Variants in KIRREL3 observed in about 807,000 individuals in gnomAD.
KIRREL3 encodes the protein kin of IRRE-like protein 3.
KIRREL3 carries 36 observed loss-of-function variants against 89.7 expected under a neutral mutation model. The ratio of observed to expected loss-of-function variants is 0.40; its 90% CI spans 0.31 to 0.53. KIRREL3 has a LOEUF of 0.53. Ranked by LOEUF, KIRREL3 falls within the 20% of genes least tolerant of loss-of-function variation. The pLI, the probability that KIRREL3 is intolerant of heterozygous loss-of-function variation, is 0.49. For synonymous variants in KIRREL3, 445 were observed against 441.4 expected, an observed-to-expected ratio of 1.01 and a Z score of -0.10; for missense variants, 864 against 1,056.6, an observed-to-expected ratio of 0.82 and a Z score of 2.53.
rs183074725 is a variant in KIRREL3, at chr11:126,430,237, G to A, written c.1697-949C>T. Among the ~76,000 whole-genome samples, 4 of 152,204 alleles carry A rather than the reference G, an allele frequency of 2.6e-5. No homozygotes were observed. Among genetic ancestry groups the A allele is most frequent in the Admixed American group, 2.6e-4 (4 of 15,288 alleles). Reference sequence around the variant, plus strand: ...AGGAAGGCGGACCACTTGAGGCCAGGAGTTCGAGACCAGCCTGGGCAACAT... The same window carrying A: ...AGGAAGGCGGACCACTTGAGGCCAGAAGTTCGAGACCAGCCTGGGCAACAT... On this transcript the variant is annotated intron_variant, in intron 14 of 16. Transcript: ENST00000525144. This position sits in a 1 kb window ranked among gnomAD's most constrained non-coding sequence, Gnocchi z 6.6.
rs376620776 is a variant in KIRREL3 at position 126,902,066 on chromosome 11, C to T, written c.55+98389G>A. Among the ~76,000 whole-genome samples, 31 of 152,304 alleles carry T rather than the reference C, an allele frequency of 2.0e-4. 2 individuals carry two copies. The South Asian group carries it at 5.8e-3, about 28-fold the overall frequency. ...CTAGGTGTTAGTTGGATTCTGCACT[C>T]GGATTCTGCAAAGACTATCCTGGCT... On this transcript the variant is annotated intron_variant, in intron 1 of 16. Transcript: ENST00000525144.
upstream of KIRREL3, chr11:127,002,878 CA>C (rs1290443159): frequency 2.6e-5 from 4 of 152,152 alleles, no homozygotes; most frequent in Non-Finnish European, 4.4e-5. Context: ...AATAATCAGG[CA>C]CACGTACAGG....
chr11:126,450,402 A>T (rs559553732), intron 7 of KIRREL3, among the ~76,000 whole-genome samples: 46 of 110,306 alleles, frequency 4.2e-4, no homozygotes, highest in Non-Finnish European at 5.9e-4. Flanking sequence ...GGTATGTGTG[A>T]GTGTGTGCAT....
chr11:126,775,044 C>CCAACAACCAGT, intron 1 of KIRREL3, among the ~76,000 whole-genome samples: 1 of 152,146 alleles, frequency 6.6e-6, no homozygotes, highest in Non-Finnish European at 1.5e-5. Flanking sequence ...TAATATGCAA[C>CCAACAACCAGT]TGGTAACCAG....
At chr11:126,945,649 C>T (rs74704139) in intron 1 of KIRREL3, among the ~76,000 whole-genome samples, 3,227 of 152,250 alleles carry the variant, frequency 0.021, 53 homozygotes, top group Non-Finnish European at 0.031. Flanking sequence ...GACAGATGTT[C>T]CCTCCTCCTT....
Position 126,571,024 on chromosome 11 carries a change from A to G in KIRREL3, c.56-8112T>C, listed in dbSNP as rs1259258584. On this transcript the variant is annotated intron_variant, in intron 1 of 16. Coordinates refer to ENST00000525144, the MANE Select transcript of KIRREL3 (RefSeq NM_032531.4). This position sits in a 1 kb window ranked among gnomAD's most constrained non-coding sequence, Gnocchi z 7.7. The stretch of plus-strand genomic sequence containing the variant: ...GAGAGATTGACACTTTAGAGGAGTG[A>G]GGAGTTTGTCCTGAGTCCCACAGCT... 6.6e-6 allele frequency among the ~76,000 whole-genome samples: 1 copy of G among 152,164 alleles called. No homozygotes were observed. The highest frequency in any genetic ancestry group is 1.5e-5 in the Non-Finnish European group (1 of 68,028).
Position 126,769,869 on chromosome 11 carries a change from A to G in KIRREL3, c.56-206957T>C, listed in dbSNP as rs903819046. ...AATCTCTCTGAGTCTTGATTTCCTC[A>G]TTTATAAGATAAAGGTAATAACACA... On this transcript the variant is annotated intron_variant, in intron 1 of 16. Coordinates refer to ENST00000525144, the MANE Select transcript of KIRREL3 (RefSeq NM_032531.4). This position sits in a 1 kb window ranked among gnomAD's most constrained non-coding sequence, Gnocchi z 4.3. Among the ~76,000 whole-genome samples the G allele has an allele frequency of 1.3e-5, 2 of 152,174 alleles. No homozygotes were observed. Among genetic ancestry groups the G allele is most frequent in the Admixed American group, 6.5e-5 (1 of 15,274 alleles).
At chr11:126,899,632 T>G (rs180848487) in intron 1 of KIRREL3, among the ~76,000 whole-genome samples, 2 of 152,326 alleles carry the variant, frequency 1.3e-5, no homozygotes, top group Admixed American at 1.3e-4. Flanking sequence ...TTGGCATATC[T>G]GATCGGGCAA....
Position 126,995,242 on chromosome 11 carries a change from C to T in KIRREL3, c.55+5213G>A, listed in dbSNP as rs537951477. The T allele has an allele frequency of 8.8e-6, 4 of 456,034 alleles. No homozygotes were observed. Among genetic ancestry groups the T allele is most frequent in the South Asian group, 3.1e-5 (2 of 64,540 alleles). 28.2% of individuals were successfully genotyped at this position (456,034 alleles called of 1,614,324 possible). A position where few individuals can be genotyped will look rare whatever the true frequency, so the allele number is the denominator to read the frequency against. Reference sequence around the variant, plus strand: ...AGAGTGCTGGGATGTCCGCTGGCCTCGAGGCAAGACAAGAGCTCCAATCAC... The same window carrying T: ...AGAGTGCTGGGATGTCCGCTGGCCTTGAGGCAAGACAAGAGCTCCAATCAC... On this transcript the variant is annotated intron_variant, in intron 1 of 16. Transcript: ENST00000525144. This position sits in a 1 kb window ranked among gnomAD's most constrained non-coding sequence, Gnocchi z 6.5.
intron 15 of KIRREL3, 62 bp from the exon 16 acceptor site, chr11:126,425,786 G>T: frequency 7.7e-7 from 1 of 1,300,072 alleles, no homozygotes; most frequent in Non-Finnish European, 1.1e-6. Flanking sequence ...TTCCCCCAAG[G>T]AAAAGATGAG....
At position 126,428,565 on chromosome 11, in the gene KIRREL3, T is replaced by C. The variant is rs991808258; in HGVS notation, c.1806+614A>G. 1.3e-5 allele frequency among the ~76,000 whole-genome samples: 2 copies of C among 152,134 alleles called. No homozygotes were observed. The highest frequency in any genetic ancestry group is 2.9e-5 in the Non-Finnish European group (2 of 68,022). The stretch of plus-strand genomic sequence containing the variant: ...GGGGAGGGGAGGGGATTATATGTTA[T>C]ATAACAACATATTGTGGCAATTTAT... On this transcript the variant is annotated intron_variant, in intron 15 of 16. Coordinates refer to ENST00000525144, the MANE Select transcript of KIRREL3 (RefSeq NM_032531.4). This position sits in a 1 kb window ranked among gnomAD's most constrained non-coding sequence, Gnocchi z 6.4.
rs369476720 is a variant in KIRREL3, at chr11:126,528,650, C to G, written c.134-1963G>C. Among the ~76,000 whole-genome samples, 18 of 151,066 alleles carry G rather than the reference C, an allele frequency of 1.2e-4. No individual in the cohort carries two copies. The highest frequency in any genetic ancestry group is 3.9e-4 in the African/African-American group (16 of 41,236). ...ATGTATGGTAGGTTTTTTTTTTCCT[C>G]TCTGTCTCTTCAAGTTCTCTGTTGT... On this transcript the variant is annotated intron_variant, in intron 2 of 16. Coordinates refer to ENST00000525144, the MANE Select transcript of KIRREL3 (RefSeq NM_032531.4). The surrounding 1 kb of genome is among the most constrained non-coding windows in gnomAD (Gnocchi z 4.6).
intron 1 of KIRREL3, among the ~76,000 whole-genome samples, chr11:126,638,391 C>T (rs1182756958): frequency 2.0e-5 from 3 of 152,210 alleles, no homozygotes; most frequent in East Asian, 1.9e-4. Flanking sequence ...TCAGTCCTCT[C>T]CTTAGGGCAC....
intron 1 of KIRREL3, among the ~76,000 whole-genome samples, chr11:126,613,893 T>TTTTGTTTTTTTTTTG (rs371748740): frequency 8.4e-6 from 1 of 118,644 alleles, no homozygotes; most frequent in Non-Finnish European, 1.7e-5. Context: ...TTTTTTTTTT[T>TTTTGTTTTTTTTTTG]ATTTTTTTCC....
intron 1 of KIRREL3, among the ~76,000 whole-genome samples, chr11:126,838,907 T>C (rs111638827): frequency 0.013 from 2,046 of 152,286 alleles, 48 homozygotes; most frequent in African/African-American, 0.047. Context: ...TTAAATCTTA[T>C]GCTCACTTCA....
intron 8 of KIRREL3, 99 bp downstream of exon 8, chr11:126,448,910 T>C: frequency 7.8e-7 from 1 of 1,275,276 alleles, no homozygotes; most frequent in South Asian, 1.7e-5. Flanking sequence ...CGCATGAAGC[T>C]TGTGTTGTGT....
Position 126,579,429 on chromosome 11 carries a change from G to C in KIRREL3, c.56-16517C>G, listed in dbSNP as rs1001507962. ...TTTTAGCCCTCTGATTTACTTATTAGATTTCTACTGTGCCTTTTCTCTGCA... is the reference window on the plus strand; with the variant it reads ...TTTTAGCCCTCTGATTTACTTATTACATTTCTACTGTGCCTTTTCTCTGCA... On this transcript the variant is annotated intron_variant, in intron 1 of 16. Transcript: ENST00000525144. The surrounding 1 kb of genome is among the most constrained non-coding windows in gnomAD (Gnocchi z 5.3). 6.6e-6 allele frequency among the ~76,000 whole-genome samples: 1 copy of C among 152,118 alleles called. No individual in the cohort carries two copies. Among genetic ancestry groups the C allele is most frequent in the Non-Finnish European group, 1.5e-5 (1 of 68,022 alleles).
At chr11:126,833,514 C>T (rs6590230) in intron 1 of KIRREL3, among the ~76,000 whole-genome samples, 128,757 of 152,268 alleles carry the variant, frequency 0.85, 54,624 homozygotes, top group East Asian at 1. Flanking sequence ...TTAACTGGCA[C>T]CCTTTGAATA....
At chr11:126,425,389 T>C (rs1274208125) in intron 16 of KIRREL3, among the ~76,000 whole-genome samples, 1 of 152,196 alleles carries the variant, frequency 6.6e-6, no homozygotes, top group East Asian at 1.9e-4. Context: ...GGATGCTTCA[T>C]TTTGAATCTA....
Sources: gnomAD v4.1 joint callset for allele counts (sites outside exome capture counted in the v4.1 genomes callset) on GRCh38, gnomAD v4.1.1 for gene constraint, Gnocchi (gnomAD v3.1) non-coding constraint, MANE v1.5 for transcripts, NCBI Gene and HGNC (gene_info 2026-07-23, HGNC 2026-07-21) for gene names.